The following PTGER3 variants were observed in gnomAD, a reference collection of about 807,000 sequenced individuals.
The protein encoded by PTGER3 is prostaglandin E2 receptor EP3 subtype.
In PTGER3, 22 loss-of-function variants were observed where a neutral mutation model predicts 34.7. That is an observed-to-expected ratio of 0.63 (90% CI 0.45 to 0.91). The LOEUF (loss-of-function observed/expected upper bound fraction) is 0.91, where lower values mean the gene tolerates loss of function less well. Among genes scored for constraint, PTGER3 ranks in the 40% least tolerant of loss-of-function variants. The probability of loss-of-function intolerance (pLI) is 0.00; values close to 1 mark genes in which losing one functional copy is unlikely to be tolerated. For synonymous variants in PTGER3, 241 were observed against 230.1 expected, an observed-to-expected ratio of 1.05 and a Z score of -0.43; for missense variants, 468 against 519.4, an observed-to-expected ratio of 0.90 and a Z score of 0.96.
At chr1:70,860,475 T>C (rs965748154) in intron 4 of PTGER3, among the ~76,000 whole-genome samples, 24 of 152,256 alleles carry the variant, frequency 1.6e-4, no homozygotes, top group African/African-American at 5.3e-4. Context: ...ATAGGGTAAA[T>C]AATTATCTTA....
At chr1:70,852,763 T>C (rs778116463) in exon 5 of PTGER3, 6 of 1,543,288 alleles carry the variant, frequency 3.9e-6, no homozygotes, top group Non-Finnish European at 4.5e-6. Context: ...GGTGGGTGTT[T>C]CTGTGATTTT....
intron 2 of PTGER3, among the ~76,000 whole-genome samples, chr1:70,981,392 T>TTCC (rs1654339494): frequency 1.1e-3 from 46 of 40,418 alleles, no homozygotes; most frequent in Non-Finnish European, 1.9e-3. Context: ...TCTTTCTTTC[T>TTCC]TTCCTTCCTT....
At chr1:70,930,700 T>A (rs1040231674) in intron 4 of PTGER3, among the ~76,000 whole-genome samples, 1 of 152,152 alleles carries the variant, frequency 6.6e-6, no homozygotes, top group East Asian at 1.9e-4. Flanking sequence ...TCAGATCTCA[T>A]GATACTTATT....
In PTGER3 at chr1:70,928,497, G is replaced by T. The variant is rs114954069; in HGVS notation, c.*23+25266C>A. ...AAAAATAAAAAATTAGCCAGGCATG[G>T]TGGCATGTGCTTATAGTCACAGCTA... On this transcript the variant is annotated intron_variant, in intron 4 of 4. Transcript: ENST00000370931. Among the ~76,000 whole-genome samples, 1,137 of 152,042 alleles carry T rather than the reference G, an allele frequency of 7.5e-3. 12 individuals carry two copies. Among genetic ancestry groups the T allele is most frequent in the African/African-American group, 0.025 (1,024 of 41,460 alleles).
At chr1:70,988,754 G>GT (rs927951349) in intron 2 of PTGER3, among the ~76,000 whole-genome samples, 4 of 151,942 alleles carry the variant, frequency 2.6e-5, no homozygotes, top group Non-Finnish European at 5.9e-5. Flanking sequence ...TTTATTTTTT[G>GT]TTTTTTTCTG....
intron 4 of PTGER3, among the ~76,000 whole-genome samples, chr1:70,882,701 T>G (rs910022698): frequency 6.6e-6 from 1 of 152,098 alleles, no homozygotes; most frequent in African/African-American, 2.4e-5. Context: ...ATTTTTCCAT[T>G]CCCAGTCTTG....
chr1:70,866,128 C>T (rs913857471), intron 4 of PTGER3, among the ~76,000 whole-genome samples: 6 of 152,154 alleles, frequency 3.9e-5, no homozygotes, highest in Admixed American at 1.3e-4. Context: ...CTTAATGCTT[C>T]GCTGTAAGCA....
chr1:70,878,361 C>CT (rs575749469), intron 4 of PTGER3, among the ~76,000 whole-genome samples: 1 of 151,840 alleles, frequency 6.6e-6, no homozygotes, highest in South Asian at 2.1e-4. Context: ...ATCTTCTTTC[C>CT]TTTTTTCTTT....
intron 1 of PTGER3, 71 bp from the exon 2 acceptor site, chr1:71,012,555 T>A: frequency 7.5e-7 from 1 of 1,341,898 alleles, no homozygotes; most frequent in Non-Finnish European, 1.0e-6. Context: ...CACTGTACTT[T>A]GCACATAGTT....
chr1:70,961,981 T>G, intron 2 of PTGER3, among the ~76,000 whole-genome samples: 1 of 152,180 alleles, frequency 6.6e-6, no homozygotes, highest in East Asian at 1.9e-4. Context: ...CTTCTTTGCC[T>G]TTTGGGGATT....
intron 2 of PTGER3, among the ~76,000 whole-genome samples, chr1:70,984,104 A>G (rs1436814347): frequency 1.3e-5 from 2 of 152,112 alleles, no homozygotes; most frequent in Non-Finnish European, 2.9e-5. Flanking sequence ...AAGTTCATTA[A>G]GGCTGGGTGT....
rs534797208 is a variant in PTGER3 at position 70,971,608 on chromosome 1, A to G, written c.*122T>C. 31 of 1,379,312 alleles carry G rather than the reference A, an allele frequency of 2.2e-5. No individual in the cohort carries two copies. In the African/African-American group the frequency reaches 4.1e-4, roughly 18 times the overall value. 85.4% of individuals were successfully genotyped at this position (1,379,312 alleles called of 1,614,324 possible). On this transcript the variant is annotated 3_prime_UTR_variant, in exon 4 of 4. Transcript: ENST00000306666. ...TTACTGACAAAACAATCATTAAAAT[A>G]AAAAGATAAAAATGAAGAAATAATC...
chr1:70,915,617 T>G (rs773708615), intron 4 of PTGER3, among the ~76,000 whole-genome samples: 1 of 151,990 alleles, frequency 6.6e-6, no homozygotes, highest in African/African-American at 2.4e-5. Context: ...TTCCCAAATG[T>G]GTTAGCAGTC....
At chr1:70,983,203 T>C (rs1333493172) in intron 2 of PTGER3, among the ~76,000 whole-genome samples, 1 of 151,238 alleles carries the variant, frequency 6.6e-6, no homozygotes, top group Admixed American at 6.6e-5. Context: ...ACCTAATGAC[T>C]CCCTGGAATC....
intron 4 of PTGER3, among the ~76,000 whole-genome samples, chr1:70,912,608 C>T (rs552459802): frequency 6.6e-6 from 1 of 152,040 alleles, no homozygotes; most frequent in Non-Finnish European, 1.5e-5. Context: ...AAAAAGGCCA[C>T]GTCCTCAACA....
rs35206244 is a variant in PTGER3, at chr1:71,021,802, T to C, written c.898-9318A>G. 1.3e-4 allele frequency among the ~76,000 whole-genome samples: 20 copies of C among 151,776 alleles called. No homozygotes were observed. In the South Asian group the frequency reaches 3.9e-3, roughly 30 times the overall value. ...AGAGATAGTCACCTCAATATAAAAA[T>C]AGAAAGTTAGAAAAACCTAGATGAC... On this transcript the variant is annotated intron_variant, in intron 1 of 3. Coordinates refer to ENST00000306666, the MANE Select transcript of PTGER3 (RefSeq NM_198719.2).
chr1:70,863,000 C>A (rs1203406696), intron 4 of PTGER3, among the ~76,000 whole-genome samples: 1 of 151,894 alleles, frequency 6.6e-6, no homozygotes. Flanking sequence ...GTCAACAGAT[C>A]GGAGACACTT....
chr1:70,956,739 C>T (rs759238231), intron 2 of PTGER3, among the ~76,000 whole-genome samples: 1 of 152,126 alleles, frequency 6.6e-6, no homozygotes, highest in African/African-American at 2.4e-5. Flanking sequence ...TGTGGTGGCT[C>T]ACAGCTGTAA....
intron 2 of PTGER3, among the ~76,000 whole-genome samples, chr1:70,995,238 T>A (rs1655826760): frequency 1.3e-5 from 2 of 152,150 alleles, no homozygotes. Context: ...ATTGTGAATG[T>A]GCATAATGTG....
Sources: allele counts gnomAD v4.1 joint callset (sites outside exome capture counted in the v4.1 genomes callset), GRCh38; gene constraint gnomAD v4.1.1; transcripts MANE v1.5; gene names NCBI Gene and HGNC (gene_info 2026-07-23, HGNC 2026-07-21).